NBAS: variants seen among roughly 807,000 people sequenced by gnomAD.
NBAS encodes NBAS subunit of NRZ tethering complex.
NBAS carries 219 observed loss-of-function variants against 302.5 expected under a neutral mutation model. The ratio of observed to expected loss-of-function variants is 0.72; its 90% CI spans 0.65 to 0.81. NBAS has a LOEUF of 0.81. Among genes scored for constraint, NBAS ranks in the 30% least tolerant of loss-of-function variants. NBAS has a pLI of 0.00. For synonymous variants in NBAS, 1,118 were observed against 1,021.6 expected, an observed-to-expected ratio of 1.09 and a Z score of -1.80; for missense variants, 2,932 against 2,841.6, an observed-to-expected ratio of 1.03 and a Z score of -0.72.
chr2:15,081,363 T>C, the NBAS span, among the ~76,000 whole-genome samples: 15 of 152,202 alleles, frequency 9.9e-5, no homozygotes, highest in African/African-American at 2.9e-4. Context: ...GAAACTAAAC[T>C]CAGGTCGTTT....
chr2:15,553,541 T>A, intron 4 of NBAS, 68 bp from the exon 5 acceptor site: 1 of 1,327,664 alleles, frequency 7.5e-7, no homozygotes, highest in Non-Finnish European at 1.1e-6. Flanking sequence ...TCAGCACAGA[T>A]GGAATTATTT....
At position 15,424,439 on chromosome 2, in the gene NBAS, T is replaced by C. The variant is rs201688252; in HGVS notation, c.2453A>G (p.Glu818Gly). 4 of 1,614,116 alleles carry C rather than the reference T, an allele frequency of 2.5e-6. No individual in the cohort carries two copies. The highest frequency in any genetic ancestry group is 1.3e-5 in the African/African-American group (1 of 75,034). The change falls in exon 23 of 52, where the codon GAA becomes GGA. Residue 818 changes from glutamate to glycine, a missense_variant. Glu to Gly is a moderately conservative substitution (Grantham distance 98, BLOSUM62 -2). Transcript: ENST00000281513. Reference sequence around the variant, plus strand: ...CTGTGCAGCATACAAGAATTCACTTTCATCTTGGAGATTCGGCTCAACAAC... The same window carrying C: ...CTGTGCAGCATACAAGAATTCACTTCCATCTTGGAGATTCGGCTCAACAAC... ...RMVVEPNLQD[E>G]SEFLYAAQPE...
At chr2:15,068,407 C>A in the NBAS span, among the ~76,000 whole-genome samples, 3 of 152,130 alleles carry the variant, frequency 2.0e-5, no homozygotes, top group Admixed American at 2.0e-4. Flanking sequence ...GGCAAGTGCT[C>A]AATACATGTT....
chr2:15,005,858 A>G, the NBAS span, among the ~76,000 whole-genome samples: 2 of 152,238 alleles, frequency 1.3e-5, no homozygotes, highest in Non-Finnish European at 2.9e-5. Flanking sequence ...TAAGAAACTT[A>G]CTATACTTCT....
At chr2:15,327,654 A>T (rs1572663197) in intron 38 of NBAS, 96 bp downstream of exon 38, 7 of 1,458,338 alleles carry the variant, frequency 4.8e-6, no homozygotes, top group Admixed American at 1.8e-5. Flanking sequence ...TTACTGAAAA[A>T]TTTCTTTTCC....
At chr2:15,369,156 A>C (rs2148346548) in intron 31 of NBAS, among the ~76,000 whole-genome samples, 1 of 152,326 alleles carries the variant, frequency 6.6e-6, no homozygotes, top group South Asian at 2.1e-4. Flanking sequence ...TGCAGATATT[A>C]TCTGCATTCC....
chr2:14,853,421 A>C, the NBAS span, among the ~76,000 whole-genome samples: 4 of 91,530 alleles, frequency 4.4e-5, no homozygotes, highest in Non-Finnish European at 6.2e-5. Context: ...GTCAGGAAAC[A>C]ACAGGTGCTG....
At chr2:15,051,764 C>T in the NBAS span, among the ~76,000 whole-genome samples, 15 of 152,200 alleles carry the variant, frequency 9.9e-5, no homozygotes, top group African/African-American at 2.7e-4. Context: ...ATTCTGTCAC[C>T]GTGGGACTTC....
the NBAS span, among the ~76,000 whole-genome samples, chr2:14,830,545 C>A: frequency 2.0e-5 from 3 of 152,270 alleles, no homozygotes; most frequent in East Asian, 5.8e-4. Context: ...CTAATATCTA[C>A]ATCTTAAAAA....
At chr2:14,980,290 A>C in the NBAS span, among the ~76,000 whole-genome samples, 1 of 152,130 alleles carries the variant, frequency 6.6e-6, no homozygotes, top group Non-Finnish European at 1.5e-5. Flanking sequence ...TCCCACGAGA[A>C]ATCTTGAAGT....
chr2:15,500,260 G>A lies in NBAS; in HGVS notation c.954+3885C>T, dbSNP rs913112657. 5.3e-5 allele frequency among the ~76,000 whole-genome samples: 8 copies of A among 151,866 alleles called. No homozygotes were observed. The South Asian group carries it at 6.3e-4, about 12-fold the overall frequency. ...AAGTAGTTTTCTAGTGCATACATTC[G>A]AAACATTCTGAAGTACTACATATTC... On this transcript the variant is annotated intron_variant, in intron 11 of 51. Transcript: ENST00000281513.
At chr2:15,530,628 C>A (rs2148674369) in intron 9 of NBAS, among the ~76,000 whole-genome samples, 1 of 151,926 alleles carries the variant, frequency 6.6e-6, no homozygotes, top group Middle Eastern at 3.4e-3. Flanking sequence ...TTTTACTTCT[C>A]TTTTTTCCAC....
At chr2:15,072,420 T>C in the NBAS span, among the ~76,000 whole-genome samples, 2 of 152,222 alleles carry the variant, frequency 1.3e-5, no homozygotes, top group Admixed American at 6.5e-5. Flanking sequence ...TCCTTTACCA[T>C]ATCACTATAA....
At chr2:15,302,569 G>A (rs1670851351) in intron 40 of NBAS, among the ~76,000 whole-genome samples, 1 of 152,222 alleles carries the variant, frequency 6.6e-6, no homozygotes, top group Non-Finnish European at 1.5e-5. Flanking sequence ...GGTGGGTAGT[G>A]TGACAACCAG....
At chr2:15,345,706 T>G (rs965102687) in intron 35 of NBAS, among the ~76,000 whole-genome samples, 2 of 152,144 alleles carry the variant, frequency 1.3e-5, no homozygotes, top group African/African-American at 4.8e-5. Flanking sequence ...AACACAATCC[T>G]AAGCAAAAAG....
At chr2:15,038,324 G>A in the NBAS span, among the ~76,000 whole-genome samples, 1 of 151,928 alleles carries the variant, frequency 6.6e-6, no homozygotes, top group African/African-American at 2.4e-5. Context: ...ATTTGGCCAG[G>A]CTGGCCTTGA....
At chr2:15,211,615 TAGG>T (rs1342114892) in intron 48 of NBAS, among the ~76,000 whole-genome samples, 1 of 152,196 alleles carries the variant, frequency 6.6e-6, no homozygotes, top group Non-Finnish European at 1.5e-5. Context: ...CGCTTATCCG[TAGG>T]AGGATTGAAG....
intron 35 of NBAS, among the ~76,000 whole-genome samples, chr2:15,332,657 A>G (rs561392181): frequency 6.6e-6 from 1 of 152,170 alleles, no homozygotes; most frequent in Admixed American, 6.5e-5. Context: ...ACATATAAAA[A>G]TGAATGACAT....
chr2:14,956,282 C>T, the NBAS span, among the ~76,000 whole-genome samples: 1 of 152,196 alleles, frequency 6.6e-6, no homozygotes, highest in Admixed American at 6.5e-5. Flanking sequence ...CAACGAGTCT[C>T]CAGGAAGTTC....
Sources: allele counts gnomAD v4.1 joint callset (sites outside exome capture counted in the v4.1 genomes callset), GRCh38; gene constraint gnomAD v4.1.1; transcripts MANE v1.5; gene names NCBI Gene and HGNC (gene_info 2026-07-23, HGNC 2026-07-21).